KCNMA1: variants seen among roughly 807,000 people sequenced by gnomAD.
The protein encoded by KCNMA1 is potassium calcium-activated channel subfamily M alpha 1.
Under a neutral mutation model 140.0 loss-of-function variants are expected in KCNMA1, and 29 were observed. The observed-to-expected ratio is 0.21, with a 90% CI of 0.15 to 0.28. The LOEUF is 0.28. KCNMA1 is among the 10% of genes least tolerant of loss of function. KCNMA1 has a pLI of 1.00. For synonymous variants in KCNMA1, 612 were observed against 611.9 expected, an observed-to-expected ratio of 1.00 and a Z score of 0.00; for missense variants, 880 against 1,602.2, an observed-to-expected ratio of 0.55 and a Z score of 7.70.
Position 77,183,628 on chromosome 10 carries a change from T to G in KCNMA1, c.697-96A>C, listed in dbSNP as rs931791455. 4 of 838,962 alleles carry G rather than the reference T, an allele frequency of 4.8e-6. No individual in the cohort carries two copies. In the African/African-American group the frequency reaches 5.1e-5, roughly 11 times the overall value. 52.0% of individuals were successfully genotyped at this position (838,962 alleles called of 1,614,324 possible). On this transcript the variant is annotated intron_variant, in intron 4 of 27. Transcript: ENST00000286628. ...TTTGTCAAAGGGTAAGTTTTGAGTT[T>G]TCATAGGGCCACCACGCCCGGCTAA... is the stretch of plus-strand genomic sequence containing the variant.
At chr10:77,223,735 G>A (rs894889856) in intron 3 of KCNMA1, among the ~76,000 whole-genome samples, 4 of 152,126 alleles carry the variant, frequency 2.6e-5, no homozygotes, top group African/African-American at 4.8e-5. Flanking sequence ...TACACCGCAC[G>A]GTTGCAGATA....
intron 13 of KCNMA1, among the ~76,000 whole-genome samples, chr10:77,078,710 C>T (rs1246695714): frequency 6.6e-6 from 1 of 152,210 alleles, no homozygotes; most frequent in East Asian, 1.9e-4. Flanking sequence ...TCCCCGAGGA[C>T]ACAAAATAGG....
At chr10:77,043,020 G>T (rs749567835) in intron 14 of KCNMA1, among the ~76,000 whole-genome samples, 21 of 152,150 alleles carry the variant, frequency 1.4e-4, no homozygotes, top group Non-Finnish European at 2.5e-4. Flanking sequence ...GACTTTTACT[G>T]ATTTTTCCAT....
At position 77,168,454 on chromosome 10, in the gene KCNMA1, T is replaced by C. The variant is rs566051624; in HGVS notation, c.808+14967A>G. On this transcript the variant is annotated intron_variant, in intron 5 of 27. Coordinates refer to ENST00000286628, the MANE Select transcript of KCNMA1 (RefSeq NM_001161352.2). Reference sequence around the variant, plus strand: ...TAGCCTCCTACACACCTAGGCTATATGGTATAGCCTATTGCTCCTAAGCTA... The same window carrying C: ...TAGCCTCCTACACACCTAGGCTATACGGTATAGCCTATTGCTCCTAAGCTA... Among the ~76,000 whole-genome samples the C allele has an allele frequency of 7.9e-5, 12 of 152,340 alleles. No homozygotes were observed. The East Asian group carries it at 1.9e-3, about 24-fold the overall frequency.
At chr10:77,311,824 C>A (rs1258104690) in intron 2 of KCNMA1, among the ~76,000 whole-genome samples, 1 of 152,176 alleles carries the variant, frequency 6.6e-6, no homozygotes, top group African/African-American at 2.4e-5. Flanking sequence ...TCCATTCCCC[C>A]AGTCATGCTG....
At chr10:77,060,134 C>T (rs1405413775) in intron 14 of KCNMA1, among the ~76,000 whole-genome samples, 2 of 152,064 alleles carry the variant, frequency 1.3e-5, no homozygotes, top group Non-Finnish European at 2.9e-5. Flanking sequence ...GTCAGTGCTC[C>T]CCCAAATTGG....
intron 3 of KCNMA1, among the ~76,000 whole-genome samples, chr10:77,238,466 T>C (rs1385079741): frequency 6.6e-6 from 1 of 152,210 alleles, no homozygotes; most frequent in Non-Finnish European, 1.5e-5. Flanking sequence ...GCCTAATAGA[T>C]GCATCTTGTC....
At chr10:77,437,305 G>C (rs1465539851) in intron 1 of KCNMA1, among the ~76,000 whole-genome samples, 2 of 152,204 alleles carry the variant, frequency 1.3e-5, no homozygotes, top group East Asian at 3.8e-4. Flanking sequence ...AGGAAGGGGA[G>C]AGTGGGAGGA....
rs187283133 is a variant in KCNMA1, at chr10:76,985,013, A to C, written c.2267-14946T>G. 1.7e-4 allele frequency among the ~76,000 whole-genome samples: 26 copies of C among 152,330 alleles called. No homozygotes were observed. In the East Asian group the frequency reaches 4.4e-3, roughly 26 times the overall value. On this transcript the variant is annotated intron_variant, in intron 19 of 27. Transcript: ENST00000286628. ...GAAAAGCAGCGCCACCTGCTGGTGG[A>C]CCTGCATGTCAGGCCCTTCTGCGGC...
intron 1 of KCNMA1, among the ~76,000 whole-genome samples, chr10:77,588,841 T>C (rs1459911145): frequency 6.6e-6 from 1 of 152,184 alleles, no homozygotes; most frequent in African/African-American, 2.4e-5. Flanking sequence ...CAACATACAT[T>C]TATTGAGTGC....
intron 25 of KCNMA1, among the ~76,000 whole-genome samples, chr10:76,906,948 G>T (rs1047899649): frequency 6.6e-5 from 10 of 152,284 alleles, no homozygotes; most frequent in African/African-American, 2.2e-4. Flanking sequence ...AATTTGATAG[G>T]CATTTTGATT....
intron 19 of KCNMA1, among the ~76,000 whole-genome samples, chr10:76,991,011 T>C (rs1457728678): frequency 1.3e-5 from 2 of 152,208 alleles, no homozygotes; most frequent in East Asian, 1.9e-4. Context: ...TGCTGTTGCA[T>C]TCAAGCTGCC....
At chr10:77,190,216 A>G (rs2098928306) in intron 3 of KCNMA1, among the ~76,000 whole-genome samples, 1 of 152,154 alleles carries the variant, frequency 6.6e-6, no homozygotes, top group African/African-American at 2.4e-5. Flanking sequence ...TACTGGGAGG[A>G]AAAAAATTCT....
intron 14 of KCNMA1, among the ~76,000 whole-genome samples, chr10:77,052,621 A>C (rs1382285052): frequency 2.3e-4 from 1 of 4,296 alleles, no homozygotes; most frequent in Non-Finnish European, 5.4e-4. Flanking sequence ...ATGAGTGTGC[A>C]AAAAAAAAAA....
rs201192736 is a variant in KCNMA1, at chr10:76,944,961, G to A, written c.2714C>T (p.Thr905Met). 3.1e-5 allele frequency: 50 copies of A among 1,613,128 alleles called. No individual in the cohort carries two copies. The highest frequency in any genetic ancestry group is 3.7e-5 in the Non-Finnish European group (44 of 1,179,530). Residue 905 changes from threonine to methionine, a missense_variant, in exon 23 of 28, where the codon ACG (threonine) becomes ATG (methionine). Coordinates refer to ENST00000286628, the MANE Select transcript of KCNMA1 (RefSeq NM_001161352.2). ...NFPKVSILPGTPLSRADLRAV... is the reference protein window; with the variant it reads ...NFPKVSILPGMPLSRADLRAV... Reference sequence around the variant, plus strand: ...CCTTAAATCAGCCCGACTTAATGGCGTACCCTTTGGCATAGAGGAAAGAAA... The same window carrying A: ...CCTTAAATCAGCCCGACTTAATGGCATACCCTTTGGCATAGAGGAAAGAAA...
At chr10:77,427,809 G>A (rs933966101) in intron 1 of KCNMA1, among the ~76,000 whole-genome samples, 3 of 151,768 alleles carry the variant, frequency 2.0e-5, no homozygotes, top group African/African-American at 7.3e-5. Context: ...GAGTGCAGTG[G>A]CATGATCTCG....
chr10:77,143,252 A>G (rs2098220930), intron 5 of KCNMA1, among the ~76,000 whole-genome samples: 1 of 152,228 alleles, frequency 6.6e-6, no homozygotes, highest in Non-Finnish European at 1.5e-5. Context: ...TTATCCCATG[A>G]GTAAAAGATT....
At chr10:76,944,583 T>C (rs912816640) in intron 23 of KCNMA1, among the ~76,000 whole-genome samples, 190 bp downstream of exon 23, 8 of 152,152 alleles carry the variant, frequency 5.3e-5, no homozygotes, top group Non-Finnish European at 7.4e-5. Flanking sequence ...GGTGACCAGG[T>C]CTCAAGCCTG....
intron 1 of KCNMA1, among the ~76,000 whole-genome samples, chr10:77,611,786 G>T (rs999119686): frequency 6.6e-6 from 1 of 152,064 alleles, no homozygotes; most frequent in Non-Finnish European, 1.5e-5. Context: ...CCCTTGCTGT[G>T]TGCAAAATCA....
Sources: allele counts gnomAD v4.1 joint callset (sites outside exome capture counted in the v4.1 genomes callset), GRCh38; gene constraint gnomAD v4.1.1; transcripts MANE v1.5; gene names NCBI Gene and HGNC (gene_info 2026-07-23, HGNC 2026-07-21).